Variants in GPC6 observed in about 807,000 individuals in gnomAD.
The protein encoded by GPC6 is glypican-6.
GPC6 carries 14 observed loss-of-function variants against 55.2 expected under a neutral mutation model. The observed-to-expected ratio is 0.25, with a 90% confidence interval of 0.17 to 0.40. GPC6 has a LOEUF of 0.40. Ranked by LOEUF, GPC6 falls within the 10% of genes least tolerant of loss-of-function variation. The probability of loss-of-function intolerance (pLI) is 1.00; values close to 1 mark genes in which losing one functional copy is unlikely to be tolerated. For synonymous variants in GPC6, 278 were observed against 259.6 expected (o/e 1.07, Z -0.68); for missense variants, 641 against 708.5 (o/e 0.90, Z 1.08).
At chr13:93,605,162 C>T (rs1594305038) in intron 2 of GPC6, among the ~76,000 whole-genome samples, 2 of 152,234 alleles carry the variant, frequency 1.3e-5, no homozygotes, top group South Asian at 4.1e-4. Flanking sequence ...TTGGTTTCTG[C>T]ACAGATTATA....
At chr13:93,871,896 G>A (rs1889143598) in intron 3 of GPC6, among the ~76,000 whole-genome samples, 1 of 151,814 alleles carries the variant, frequency 6.6e-6, no homozygotes, top group South Asian at 2.1e-4. Context: ...TACCCCCAGT[G>A]TATTAATGAA....
chr13:94,132,363 C>G (rs1887031562), intron 4 of GPC6, among the ~76,000 whole-genome samples: 1 of 152,140 alleles, frequency 6.6e-6, no homozygotes, highest in Non-Finnish European at 1.5e-5. Context: ...CACATGCCTT[C>G]CTCAGATTTT....
At chr13:93,680,072 A>G (rs1283129828) in intron 2 of GPC6, among the ~76,000 whole-genome samples, 2 of 152,150 alleles carry the variant, frequency 1.3e-5, no homozygotes, top group Non-Finnish European at 2.9e-5. Flanking sequence ...TAAAATTTGT[A>G]TGTTGAAGTT....
rs1057070485 is a variant in GPC6, at chr13:94,048,479, A to G, written c.877+20585A>G. On this transcript the variant is annotated intron_variant, in intron 4 of 8. Transcript: ENST00000377047. ...AAAGAGAGAGAAATAGTTGAGGATG[A>G]GCAGTGGGCGCCATTTGCTTCCTTG... 2.0e-5 allele frequency among the ~76,000 whole-genome samples: 3 copies of G among 152,130 alleles called. No homozygotes were observed. The East Asian group carries it at 5.8e-4, about 30-fold the overall frequency.
chr13:93,614,233 T>A (rs7318407), intron 2 of GPC6, among the ~76,000 whole-genome samples: 19,474 of 152,214 alleles, frequency 0.13, 4,188 homozygotes, highest in African/African-American at 0.44. Context: ...AAAAAATTTT[T>A]AAACTAAATG....
At chr13:94,073,906 C>T (rs1443607570) in intron 4 of GPC6, among the ~76,000 whole-genome samples, 3 of 152,156 alleles carry the variant, frequency 2.0e-5, no homozygotes, top group Non-Finnish European at 4.4e-5. Flanking sequence ...TGCACTATGT[C>T]CCATCTCTTT....
rs75169813 is a variant in GPC6 at position 94,328,850 on chromosome 13, C to T, written c.1152+22727C>T. On this transcript the variant is annotated intron_variant, in intron 6 of 8. Transcript: ENST00000377047. Reference sequence around the variant, plus strand: ...TATGTGACCTTCGACAGGTCACTGCCCATCACCAAGCCTTCGTTTGCTCAT... The same window carrying T: ...TATGTGACCTTCGACAGGTCACTGCTCATCACCAAGCCTTCGTTTGCTCAT... Among the ~76,000 whole-genome samples, 766 of 152,282 alleles carry T rather than the reference C, an allele frequency of 5.0e-3. 7 individuals are homozygous for T. The highest frequency in any genetic ancestry group is 0.017 in the African/African-American group (724 of 41,564).
intron 1 of GPC6, among the ~76,000 whole-genome samples, chr13:93,235,424 G>A (rs1322215346): frequency 6.6e-6 from 1 of 152,096 alleles, no homozygotes; most frequent in Non-Finnish European, 1.5e-5. Flanking sequence ...GCAGAGAGGT[G>A]ACATGACGAA....
At chr13:94,192,427 A>G (rs1039730264) in intron 4 of GPC6, among the ~76,000 whole-genome samples, 1 of 152,196 alleles carries the variant, frequency 6.6e-6, no homozygotes, top group Non-Finnish European at 1.5e-5. Flanking sequence ...CATCAGAAAG[A>G]TGGAATGCCA....
At chr13:94,009,792 T>C (rs1234929467) in intron 3 of GPC6, among the ~76,000 whole-genome samples, 2 of 152,146 alleles carry the variant, frequency 1.3e-5, no homozygotes, top group Non-Finnish European at 2.9e-5. Flanking sequence ...CTGAGAGTTA[T>C]GTACGTTTAA....
intron 4 of GPC6, among the ~76,000 whole-genome samples, chr13:94,165,510 T>C (rs571581060): frequency 1.3e-5 from 2 of 151,410 alleles, no homozygotes; most frequent in African/African-American, 4.8e-5. Context: ...TGGGAGGGGG[T>C]GAGGGATAAA....
At chr13:94,400,022 T>A (rs1284888223) in intron 8 of GPC6, among the ~76,000 whole-genome samples, 1 of 152,190 alleles carries the variant, frequency 6.6e-6, no homozygotes, top group Non-Finnish European at 1.5e-5. Flanking sequence ...TGCTTCTCAC[T>A]CCTCTCTGAC....
At chr13:93,960,742 C>T (rs1879729661) in intron 3 of GPC6, among the ~76,000 whole-genome samples, 1 of 151,642 alleles carries the variant, frequency 6.6e-6, no homozygotes, top group South Asian at 2.1e-4. Context: ...GAAGCCACTG[C>T]TGTATTCATG....
At chr13:94,062,756 T>C (rs897195098) in intron 4 of GPC6, among the ~76,000 whole-genome samples, 2 of 152,176 alleles carry the variant, frequency 1.3e-5, no homozygotes, top group African/African-American at 4.8e-5. Context: ...ATTGAGGAAG[T>C]TTGCATTATT....
Position 93,535,580 on chromosome 13 carries a change from G to A in GPC6, c.161-9683G>A, listed in dbSNP as rs567396082. ...TTGAATTGCATTAAACTCTCACATG[G>A]TCAAAAGAGTCTTACGATATGTTTT... is the stretch of plus-strand genomic sequence containing the variant. On this transcript the variant is annotated intron_variant, in intron 1 of 8. Coordinates refer to ENST00000377047, the MANE Select transcript of GPC6 (RefSeq NM_005708.5). Among the ~76,000 whole-genome samples the A allele has an allele frequency of 4.0e-5, 6 of 151,388 alleles. No homozygotes were observed. In the East Asian group the frequency reaches 1.2e-3, roughly 30 times the overall value.
chr13:94,254,610 G>A (rs1325427634), intron 4 of GPC6, among the ~76,000 whole-genome samples: 1 of 151,970 alleles, frequency 6.6e-6, no homozygotes, highest in Non-Finnish European at 1.5e-5. Flanking sequence ...TAGAATGATT[G>A]GGAGTAACGG....
chr13:93,461,671 T>C (rs112257027), intron 1 of GPC6, among the ~76,000 whole-genome samples: 2 of 45,902 alleles, frequency 4.4e-5, no homozygotes, highest in Admixed American at 3.3e-4. Context: ...GGCGGGGGGG[T>C]TGGGGGGGGG....
intron 1 of GPC6, among the ~76,000 whole-genome samples, chr13:93,354,525 T>A (rs1031582252): frequency 1.1e-4 from 16 of 149,974 alleles, no homozygotes; most frequent in African/African-American, 2.7e-4. Flanking sequence ...TATTATTTTT[T>A]TTTTTTTTTT....
At chr13:94,384,236 G>A (rs1192938159) in intron 7 of GPC6, among the ~76,000 whole-genome samples, 4 of 152,188 alleles carry the variant, frequency 2.6e-5, no homozygotes, top group Non-Finnish European at 5.9e-5. Context: ...TTAACAACAT[G>A]CCACTAAAAA....
Sources: gnomAD v4.1 joint callset for allele counts (sites outside exome capture counted in the v4.1 genomes callset) on GRCh38, gnomAD v4.1.1 for gene constraint, MANE v1.5 for transcripts, NCBI Gene and HGNC (gene_info 2026-07-23, HGNC 2026-07-21) for gene names.